Variants in PCDH9 observed in about 807,000 individuals in gnomAD.
PCDH9 encodes protocadherin 9, also known as protocadherin-9.
A neutral mutation model predicts 70.6 loss-of-function variants in PCDH9; 24 were observed. That is an observed-to-expected ratio of 0.34 (90% CI 0.25 to 0.48). The LOEUF (loss-of-function observed/expected upper bound fraction) is 0.48, where lower values mean the gene tolerates loss of function less well. Ranked by LOEUF, PCDH9 falls within the 20% of genes least tolerant of loss-of-function variation. The probability of loss-of-function intolerance (pLI) is 0.99; values close to 1 mark genes in which losing one functional copy is unlikely to be tolerated. For synonymous variants in PCDH9, 562 were observed against 558.5 expected (o/e 1.01, Z -0.09); for missense variants, 1,281 against 1,503.6 (o/e 0.85, Z 2.45).
At chr13:67,225,187 A>G in intron 2 of PCDH9, 2 of 1,371,882 alleles carry the variant, frequency 1.5e-6, no homozygotes, top group Non-Finnish European at 1.9e-6. Flanking sequence ...TTTGAAGGAA[A>G]CTGAAAGGAG....
intron 4 of PCDH9, among the ~76,000 whole-genome samples, chr13:66,623,569 G>A (rs897988151): frequency 6.6e-6 from 1 of 152,106 alleles, no homozygotes; most frequent in Non-Finnish European, 1.5e-5. Flanking sequence ...CTCCTTAGTA[G>A]CTAGGACTGC....
intron 1 of PCDH9, among the ~76,000 whole-genome samples, chr13:67,228,937 G>A (rs2089948634): frequency 6.6e-6 from 1 of 152,122 alleles, no homozygotes; most frequent in African/African-American, 2.4e-5. Context: ...TCAGGTGCAA[G>A]TGAAAAACAC....
intron 2 of PCDH9, among the ~76,000 whole-genome samples, chr13:66,958,977 C>T (rs1214791845): frequency 6.6e-6 from 1 of 152,152 alleles, no homozygotes; most frequent in Non-Finnish European, 1.5e-5. Context: ...TAAACTCAAC[C>T]TTTAGCTTTT....
chr13:67,091,143 T>C (rs900102966), intron 2 of PCDH9, among the ~76,000 whole-genome samples: 9 of 152,162 alleles, frequency 5.9e-5, no homozygotes, highest in African/African-American at 1.9e-4. Flanking sequence ...CCAATGACTT[T>C]GTAAATTTAT....
At chr13:66,675,161 A>G (rs2078225643) in intron 3 of PCDH9, among the ~76,000 whole-genome samples, 1 of 152,132 alleles carries the variant, frequency 6.6e-6, no homozygotes, top group Non-Finnish European at 1.5e-5. Flanking sequence ...AAAAACCTAT[A>G]CTCACATTTT....
At chr13:67,192,541 A>C (rs996316934) in intron 2 of PCDH9, among the ~76,000 whole-genome samples, 1 of 152,184 alleles carries the variant, frequency 6.6e-6, no homozygotes, top group African/African-American at 2.4e-5. Flanking sequence ...TTGGATTTCA[A>C]ATAACAAGAA....
chr13:66,455,350 AATTT>A (rs1297169712), intron 4 of PCDH9, among the ~76,000 whole-genome samples: 1 of 151,776 alleles, frequency 6.6e-6, no homozygotes, highest in Non-Finnish European at 1.5e-5. Flanking sequence ...CTTAATAAAT[AATTT>A]TTAAAGAATT....
chr13:66,606,684 T>A (rs961413532), intron 4 of PCDH9, among the ~76,000 whole-genome samples: 2 of 152,300 alleles, frequency 1.3e-5, no homozygotes, highest in Middle Eastern at 3.4e-3. Context: ...CATTAGTACA[T>A]CTGTCCTAAA....
chr13:66,713,625 G>GTGTGTGTATATATATATATA (rs1379996611), intron 3 of PCDH9, among the ~76,000 whole-genome samples: 1 of 109,998 alleles, frequency 9.1e-6, no homozygotes, highest in African/African-American at 3.7e-5. Context: ...GTGTGTGTGT[G>GTGTGTGTATATATATATATA]TATATATATA....
chr13:66,680,374 A>T (rs1365136618), intron 3 of PCDH9, among the ~76,000 whole-genome samples: 2 of 151,990 alleles, frequency 1.3e-5, no homozygotes, highest in African/African-American at 4.8e-5. Flanking sequence ...GAAATCAATC[A>T]ATCAACTATT....
intron 2 of PCDH9, among the ~76,000 whole-genome samples, chr13:67,093,832 T>C (rs1453841419): frequency 6.6e-6 from 1 of 152,156 alleles, no homozygotes; most frequent in African/African-American, 2.4e-5. Context: ...TCCAAGTCAA[T>C]ATTACTAACA....
At chr13:66,330,134 T>C (rs1387229821) in intron 4 of PCDH9, among the ~76,000 whole-genome samples, 2 of 152,252 alleles carry the variant, frequency 1.3e-5, no homozygotes, top group African/African-American at 2.4e-5. Context: ...ACATGCCACT[T>C]GCACATGGCA....
intron 3 of PCDH9, among the ~76,000 whole-genome samples, chr13:66,695,120 G>A (rs1028413901): frequency 6.6e-6 from 1 of 151,980 alleles, no homozygotes; most frequent in Non-Finnish European, 1.5e-5. Flanking sequence ...AGCCAGGATG[G>A]TCTCGCTCTC....
At chr13:67,127,050 C>A (rs1351292435) in intron 2 of PCDH9, among the ~76,000 whole-genome samples, 1 of 152,104 alleles carries the variant, frequency 6.6e-6, no homozygotes, top group Non-Finnish European at 1.5e-5. Context: ...TGGAAGTAAG[C>A]AAATCATAAT....
chr13:66,402,080 TTC>T (rs1957198138), intron 4 of PCDH9, among the ~76,000 whole-genome samples: 1 of 152,156 alleles, frequency 6.6e-6, no homozygotes, highest in Non-Finnish European at 1.5e-5. Context: ...GAGCAAATCT[TTC>T]TTTCTGCTTG....
At chr13:66,723,984 G>A (rs1053875286) in intron 3 of PCDH9, among the ~76,000 whole-genome samples, 1 of 152,168 alleles carries the variant, frequency 6.6e-6, no homozygotes, top group East Asian at 1.9e-4. Context: ...TTAAAAGCAA[G>A]CTACAAAATT....
intron 3 of PCDH9, among the ~76,000 whole-genome samples, chr13:66,809,330 C>T (rs1386618764): frequency 6.6e-6 from 1 of 152,100 alleles, no homozygotes; most frequent in Non-Finnish European, 1.5e-5. Context: ...ATATGTCTTA[C>T]CTTTTATAGA....
chr13:67,213,316 T>C (rs570304620), intron 2 of PCDH9: 1 of 148,376 alleles, frequency 6.7e-6, no homozygotes, highest in South Asian at 2.1e-4. Flanking sequence ...CATTTAGCAG[T>C]ATATAATAAA....
intron 3 of PCDH9, among the ~76,000 whole-genome samples, chr13:66,668,293 T>C (rs1416728474): frequency 6.6e-6 from 1 of 152,166 alleles, no homozygotes. Context: ...GCATACATGA[T>C]TTTTGTCAAC....
Sources: allele counts gnomAD v4.1 joint callset (sites outside exome capture counted in the v4.1 genomes callset), GRCh38; gene constraint gnomAD v4.1.1; transcripts MANE v1.5; gene names NCBI Gene and HGNC (gene_info 2026-07-23, HGNC 2026-07-21).